Variants in SYT17 observed in about 807,000 individuals in gnomAD.
The protein encoded by SYT17 is synaptotagmin 17.
Under a neutral mutation model 46.7 loss-of-function variants are expected in SYT17, and 22 were observed. The observed-to-expected ratio is 0.47, with a 90% CI of 0.34 to 0.67. The LOEUF (loss-of-function observed/expected upper bound fraction) is 0.67. SYT17 is among the 30% of genes least tolerant of loss of function. The pLI is 0.01. For synonymous variants in SYT17, 251 were observed against 248.4 expected (o/e 1.01, Z -0.10); for missense variants, 519 against 612.8 (o/e 0.85, Z 1.62).
intron 4 of SYT17, 30 bp downstream of exon 4, chr16:19,180,569 G>T (rs760720183): frequency 4.3e-6 from 7 of 1,611,972 alleles, no homozygotes; most frequent in Non-Finnish European, 5.9e-6. Flanking sequence ...CTTTCTGGGG[G>T]CCCTGGCTGG....
chr16:19,224,878 C>A (rs1314008377), intron 7 of SYT17, 40 bp downstream of exon 7: 27 of 1,608,796 alleles, frequency 1.7e-5, no homozygotes, highest in Middle Eastern at 1.7e-4. Flanking sequence ...CCAGGTGAGG[C>A]ACGTCAAACT....
chr16:19,265,795 C>T lies in SYT17; in HGVS notation c.1229-1085C>T, dbSNP rs897838566. Among the ~76,000 whole-genome samples, 11 of 152,182 alleles carry T rather than the reference C, an allele frequency of 7.2e-5. 1 individual carries two copies. The highest frequency in any genetic ancestry group is 1.3e-4 in the Admixed American group (2 of 15,276). On this transcript the variant is annotated intron_variant, in intron 7 of 7. Transcript: ENST00000355377. ...GGCCGGGAAGATAAATCAAGTTAAC[C>T]GTCTCATTAGGCTTGAAAGACACAA... is the stretch of plus-strand genomic sequence containing the variant.
intron 5 of SYT17, among the ~76,000 whole-genome samples, chr16:19,200,228 A>G (rs1238254741): frequency 6.6e-6 from 1 of 152,220 alleles, no homozygotes; most frequent in Non-Finnish European, 1.5e-5. Context: ...CAAATACAAC[A>G]TGGGCTGCAT....
At chr16:19,222,927 G>T in intron 5 of SYT17, 118 bp from the exon 6 acceptor site, 1 of 1,366,644 alleles carries the variant, frequency 7.3e-7, no homozygotes, top group Non-Finnish European at 1.0e-6. Context: ...GGCTCCCACT[G>T]TCAACTGATG....
chr16:19,192,633 AG>A (rs2142674245), intron 5 of SYT17, among the ~76,000 whole-genome samples: 1 of 152,326 alleles, frequency 6.6e-6, no homozygotes, highest in East Asian at 1.9e-4. Context: ...GGTGCCAGTT[AG>A]GAAAAATTGC....
intron 7 of SYT17, among the ~76,000 whole-genome samples, chr16:19,237,295 G>A (rs967850684): frequency 6.6e-6 from 1 of 152,136 alleles, no homozygotes; most frequent in Non-Finnish European, 1.5e-5. Flanking sequence ...GCCTGAGGAG[G>A]CACCTGAGCA....
At chr16:19,204,563 G>C (rs1368782176) in intron 5 of SYT17, among the ~76,000 whole-genome samples, 2 of 152,040 alleles carry the variant, frequency 1.3e-5, no homozygotes, top group African/African-American at 4.8e-5. Context: ...TGGGGTGCAG[G>C]GTGTTGAGGA....
At chr16:19,205,307 C>A (rs1965623262) in intron 5 of SYT17, among the ~76,000 whole-genome samples, 1 of 152,186 alleles carries the variant, frequency 6.6e-6, no homozygotes, top group South Asian at 2.1e-4. Flanking sequence ...GTATCTCAGG[C>A]ACACCTGGAG....
rs148434134 is a variant in SYT17 at position 19,251,868 on chromosome 16, G to T, written c.1229-15012G>T. ...GGATTGCGCATACACAGGGCCACAC[G>T]GTCTCTACATGTGGCCTATTGATCT... is the stretch of plus-strand genomic sequence containing the variant. On this transcript the variant is annotated intron_variant, in intron 7 of 7. Coordinates refer to ENST00000355377, the MANE Select transcript of SYT17 (RefSeq NM_016524.4). Among the ~76,000 whole-genome samples the T allele has an allele frequency of 5.1e-3, 783 of 152,210 alleles. 10 individuals carry two copies. Among genetic ancestry groups the T allele is most frequent in the African/African-American group, 0.017 (723 of 41,538 alleles).
chr16:19,251,685 G>A (rs989656711), intron 7 of SYT17, among the ~76,000 whole-genome samples: 1 of 152,134 alleles, frequency 6.6e-6, no homozygotes, highest in African/African-American at 2.4e-5. Flanking sequence ...AGGAAAGCTG[G>A]TCCCAGACAG....
chr16:19,220,409 C>T (rs1365396199), intron 5 of SYT17, among the ~76,000 whole-genome samples: 1 of 144,148 alleles, frequency 6.9e-6, no homozygotes, highest in African/African-American at 2.6e-5. Context: ...TTCAAGTGAT[C>T]TGCCTCAGCC....
At chr16:19,247,227 G>A (rs1230230653) in intron 7 of SYT17, among the ~76,000 whole-genome samples, 3 of 152,178 alleles carry the variant, frequency 2.0e-5, no homozygotes, top group Non-Finnish European at 4.4e-5. Flanking sequence ...TCAATTAGTT[G>A]AAGAGTAATC....
intron 7 of SYT17, among the ~76,000 whole-genome samples, chr16:19,250,637 G>A (rs900605534): frequency 6.6e-6 from 1 of 152,200 alleles, no homozygotes; most frequent in African/African-American, 2.4e-5. Context: ...GCCTCCCATA[G>A]TGTTGGGATT....
At chr16:19,249,849 G>A in intron 7 of SYT17, 2 of 1,352,708 alleles carry the variant, frequency 1.5e-6, no homozygotes, top group Non-Finnish European at 2.0e-6. Context: ...ATAACCTGGA[G>A]TCACTGGGGG....
intron 7 of SYT17, among the ~76,000 whole-genome samples, chr16:19,250,314 G>A (rs201494478): frequency 2.0e-4 from 30 of 151,506 alleles, no homozygotes; most frequent in East Asian, 5.8e-4. Flanking sequence ...ATTTCAATGT[G>A]GGGCAGACTC....
Position 19,233,575 on chromosome 16 carries a change from G to C in SYT17, c.1228+8737G>C, listed in dbSNP as rs13335042. On this transcript the variant is annotated intron_variant, in intron 7 of 7. Transcript: ENST00000355377. The stretch of plus-strand genomic sequence containing the variant: ...GGAGGCTGAGGTGGGAGGATCACTT[G>C]AGTCCAGGAGGTCAAGGCTGCAGTG... Among the ~76,000 whole-genome samples, 547 of 152,250 alleles carry C rather than the reference G, an allele frequency of 3.6e-3. 4 individuals carry two copies. Among genetic ancestry groups the C allele is most frequent in the African/African-American group, 0.011 (454 of 41,546 alleles).
intron 5 of SYT17, among the ~76,000 whole-genome samples, chr16:19,210,036 A>G (rs1435973937): frequency 6.6e-6 from 1 of 151,996 alleles, no homozygotes; most frequent in East Asian, 1.9e-4. Flanking sequence ...AGATAGTCAC[A>G]TGGAAAATGT....
chr16:19,168,341 C>A lies in SYT17; in HGVS notation c.-306C>A. The A allele has an allele frequency of 2.1e-6, 1 of 466,812 alleles. No individual in the cohort carries two copies. The highest frequency in any genetic ancestry group is 3.8e-6 in the Non-Finnish European group (1 of 264,312). 28.9% of individuals were successfully genotyped at this position (466,812 alleles called of 1,614,324 possible). ...CCCAGGCGCCCCGGCCTTATTCCAG[C>A]CTGGGGAGCGCCTCGGTGGGGAGCA... On this transcript the variant is annotated 5_prime_UTR_variant, in exon 1 of 8. Coordinates refer to ENST00000355377, the MANE Select transcript of SYT17 (RefSeq NM_016524.4). This position sits in a 1 kb window ranked among gnomAD's most constrained non-coding sequence, Gnocchi z 6.9.
chr16:19,191,453 C>T (rs1334989747), intron 5 of SYT17, among the ~76,000 whole-genome samples: 1 of 152,148 alleles, frequency 6.6e-6, no homozygotes, highest in East Asian at 1.9e-4. Context: ...AGGAATGGTC[C>T]TCAGCAGACA....
Sources: allele counts gnomAD v4.1 joint callset (sites outside exome capture counted in the v4.1 genomes callset), GRCh38; gene constraint gnomAD v4.1.1; non-coding constraint Gnocchi (gnomAD v3.1); transcripts MANE v1.5; gene names NCBI Gene and HGNC (gene_info 2026-07-23, HGNC 2026-07-21).